Variants in SMG7 observed in about 807,000 individuals in gnomAD.
SMG7 encodes SMG7 nonsense mediated mRNA decay factor, also known as nonsense-mediated mRNA decay factor SMG7.
A neutral mutation model predicts 148.2 loss-of-function variants in SMG7; 34 were observed. That is an observed-to-expected ratio of 0.23 (90% CI 0.17 to 0.31). The LOEUF is 0.31. Among genes scored for constraint, SMG7 ranks in the 10% least tolerant of loss-of-function variants. The pLI is 1.00. For synonymous variants in SMG7, 492 were observed against 515.1 expected, an observed-to-expected ratio of 0.96 and a Z score of 0.61; for missense variants, 1,114 against 1,408.4, an observed-to-expected ratio of 0.79 and a Z score of 3.35.
Position 183,545,266 on chromosome 1 carries a change from T to G in SMG7, c.2324T>G (p.Val775Gly), listed in dbSNP as rs1669717202. Residue 775 changes from valine to glycine, a missense_variant, in exon 16 of 23, where the codon GTG becomes GGG. Physicochemically the swap from Val to Gly is moderately radical, Grantham distance 109. Transcript: ENST00000688051. ...CAACAACAATCCCCTACAAAAGCTG[T>G]GCCGGCTTTGGGGAAAAGCCCGCCT... Reference protein sequence around the residue: ...TQQQQSPTKAVPALGKSPPHH... With the variant: ...TQQQQSPTKAGPALGKSPPHH... 6.2e-7 allele frequency: 1 copy of G among 1,613,048 alleles called. No homozygotes were observed. Among genetic ancestry groups the G allele is most frequent in the South Asian group, 1.1e-5 (1 of 91,082 alleles).
At chr1:183,512,237 G>A (rs1451075506) in intron 1 of SMG7, among the ~76,000 whole-genome samples, 1 of 152,188 alleles carries the variant, frequency 6.6e-6, no homozygotes, top group Non-Finnish European at 1.5e-5. Flanking sequence ...AGAAGGGTTA[G>A]CAAGAACATA....
rs1436355590 is a variant in SMG7, at chr1:183,552,921, C to T, written c.*990C>T. ...TCTCCATCCCTTCTTTTACCCAATG[C>T]TGTATGCTAGTAATTGTTTTTATTC... On this transcript the variant is annotated 3_prime_UTR_variant, in exon 23 of 23. Coordinates refer to ENST00000688051, the MANE Select transcript of SMG7 (RefSeq NM_001375584.1). 4.0e-6 allele frequency: 6 copies of T among 1,514,808 alleles called. No homozygotes were observed. Among genetic ancestry groups the T allele is most frequent in the Non-Finnish European group, 5.3e-6 (6 of 1,132,632 alleles). The allele number at this position is 1,514,808 out of a possible 1,614,324, so 93.8% of individuals were successfully genotyped here.
chr1:183,503,402 T>C (rs1188234046), intron 1 of SMG7, among the ~76,000 whole-genome samples: 1 of 152,194 alleles, frequency 6.6e-6, no homozygotes, highest in Non-Finnish European at 1.5e-5. Flanking sequence ...TAATCAGAAC[T>C]AATGTTTGGA....
At chr1:183,522,971 T>A (rs1249603844) in intron 4 of SMG7, among the ~76,000 whole-genome samples, 1 of 152,084 alleles carries the variant, frequency 6.6e-6, no homozygotes, top group African/African-American at 2.4e-5. Flanking sequence ...TCTCACTATG[T>A]TACCCAGGCT....
At chr1:183,537,523 G>A (rs2102684700) in intron 11 of SMG7, among the ~76,000 whole-genome samples, 1 of 152,140 alleles carries the variant, frequency 6.6e-6, no homozygotes, top group South Asian at 2.1e-4. Context: ...ACATTGCTCT[G>A]TCAAAGTAAT....
intron 2 of SMG7, 67 bp downstream of exon 2, chr1:183,512,935 T>C (rs1662512910): frequency 7.1e-7 from 1 of 1,413,462 alleles, no homozygotes. Context: ...GGATATCCTC[T>C]TTCTTATATT....
chr1:183,533,102 C>T (rs200184167), intron 8 of SMG7, 62 bp from the exon 9 acceptor site: 5 of 1,411,670 alleles, frequency 3.5e-6, no homozygotes, highest in Non-Finnish European at 4.9e-6. Context: ...AGTTTAATTT[C>T]TTGTGTCAAA....
intron 1 of SMG7, among the ~76,000 whole-genome samples, chr1:183,498,617 T>C (rs1024964723): frequency 6.6e-6 from 1 of 152,260 alleles, no homozygotes; most frequent in African/African-American, 2.4e-5. Flanking sequence ...AAAGCAGCTT[T>C]AGGTTTACAG....
chr1:183,518,546 A>G (rs1664092713), intron 4 of SMG7: 1 of 152,216 alleles, frequency 6.6e-6, no homozygotes, highest in South Asian at 2.1e-4. Context: ...AATGGAATTT[A>G]TCTGGATTTT....
intron 5 of SMG7, 84 bp downstream of exon 5, chr1:183,526,851 C>G (rs909913346): frequency 1.8e-6 from 2 of 1,118,730 alleles, no homozygotes; most frequent in Admixed American, 4.9e-5. Context: ...TTCCTTTAAG[C>G]GGAGCATACA....
intron 2 of SMG7, 60 bp downstream of exon 2, chr1:183,512,928 T>G: frequency 1.4e-6 from 2 of 1,462,216 alleles, no homozygotes; most frequent in Non-Finnish European, 1.9e-6. Flanking sequence ...AATGGAAGGA[T>G]ATCCTCTTTC....
rs71130622 is a variant in SMG7 at position 183,506,875 on chromosome 1, C to CTT, written c.30-5943_30-5942dup. Among the ~76,000 whole-genome samples the CTT allele has an allele frequency of 6.8e-3, 757 of 111,800 alleles. 20 individuals carry two copies. The highest frequency in any genetic ancestry group is 9.7e-3 in the East Asian group (37 of 3,798). The allele number at this position is 111,800 out of a possible 152,430, so 73.3% of individuals were successfully genotyped here. A position where few individuals can be genotyped will look rare whatever the true frequency, so the allele number is the denominator to read the frequency against. ...AACCATGAATCTTAGACTATATATT[C>CTT]TTTTTTTTTTTTTTTTTTTTGGAGA... On this transcript the variant is annotated intron_variant, in intron 1 of 22. Transcript: ENST00000688051.
intron 7 of SMG7, 25 bp from the exon 8 acceptor site, chr1:183,529,373 A>G: frequency 6.2e-7 from 1 of 1,605,272 alleles, no homozygotes; most frequent in South Asian, 1.1e-5. Flanking sequence ...CTTATGATTC[A>G]TGGAATTTTT....
intron 14 of SMG7, among the ~76,000 whole-genome samples, chr1:183,543,640 C>T (rs1669359185): frequency 6.6e-6 from 1 of 152,198 alleles, no homozygotes; most frequent in East Asian, 1.9e-4. Context: ...TCATCCATCT[C>T]AAATCACCTA....
In SMG7 at chr1:183,528,025, A is replaced by G. The variant is rs763159718; in HGVS notation, c.554A>G (p.Asn185Ser). The G allele has an allele frequency of 6.2e-6, 10 of 1,608,264 alleles. No individual in the cohort carries two copies. The highest frequency in any genetic ancestry group is 4.0e-5 in the African/African-American group (3 of 74,726). The change falls in exon 6 of 23, where the codon AAT becomes AGT. Residue 185 changes from asparagine to serine, a missense_variant and splice_region_variant. Asn to Ser is a conservative substitution (Grantham distance 46, BLOSUM62 1). This residue lies in a region of SMG7 where 216 missense variants were observed against 329.1 expected (regional missense o/e 0.66). Transcript: ENST00000688051. ...YRHAAQLVPS[N>S]GQPYNQLAIL... The stretch of plus-strand genomic sequence containing the variant: ...CATGCAGCTCAGCTTGTCCCCTCCA[A>G]TGGTGAGTGGACCTGTCAACCTGAG...
intron 1 of SMG7, among the ~76,000 whole-genome samples, chr1:183,511,201 ATTT>A (rs1662064243): frequency 6.6e-6 from 1 of 152,002 alleles, no homozygotes; most frequent in Non-Finnish European, 1.5e-5. Context: ...TATGAGTCTG[ATTT>A]ATACTTTTCC....
In SMG7 at chr1:183,552,879, C is replaced by T. The variant is rs1671275523; in HGVS notation, c.*948C>T. On this transcript the variant is annotated 3_prime_UTR_variant, in exon 23 of 23. Transcript: ENST00000688051. The stretch of plus-strand genomic sequence containing the variant: ...TGGTTTTTGTGCCCCCATTCTACTT[C>T]CCACCCTCCTGCCCCATCTCCATCC... The T allele has an allele frequency of 6.9e-7, 1 of 1,443,514 alleles. No individual in the cohort carries two copies. Among genetic ancestry groups the T allele is most frequent in the African/African-American group, 1.4e-5 (1 of 70,050 alleles). 89.4% of individuals were successfully genotyped at this position (1,443,514 alleles called of 1,614,324 possible).
intron 1 of SMG7, among the ~76,000 whole-genome samples, chr1:183,496,168 G>A (rs1392147879): frequency 1.3e-5 from 2 of 152,090 alleles, no homozygotes. Context: ...GATGGCTTAT[G>A]TTCTTCACTT....
chr1:183,512,924 A>G, intron 2 of SMG7, 56 bp downstream of exon 2: 2 of 1,472,610 alleles, frequency 1.4e-6, no homozygotes, highest in Non-Finnish European at 1.8e-6. Context: ...AATTAATGGA[A>G]GGATATCCTC....
Sources: gnomAD v4.1 joint callset for allele counts (sites outside exome capture counted in the v4.1 genomes callset) on GRCh38, gnomAD v4.1.1 for gene constraint, gnomAD v4.1.1 regional missense constraint, MANE v1.5 for transcripts, NCBI Gene and HGNC (gene_info 2026-07-23, HGNC 2026-07-21) for gene names.